TMTC1: variants seen among roughly 807,000 people sequenced by gnomAD.
The protein encoded by TMTC1 is protein O-mannosyl-transferase TMTC1.
A neutral mutation model predicts 104.8 loss-of-function variants in TMTC1; 73 were observed. The ratio of observed to expected loss-of-function variants is 0.70; its 90% CI spans 0.58 to 0.85. The LOEUF (loss-of-function observed/expected upper bound fraction) is 0.85. TMTC1 is among the 40% of genes least tolerant of loss of function. The probability of loss-of-function intolerance (pLI) is 0.00; values close to 1 mark genes in which losing one functional copy is unlikely to be tolerated. For missense variants in TMTC1, 1,035 were observed against 1,096.1 expected (o/e 0.94, Z 0.79); for synonymous variants, 434 against 428.7 (o/e 1.01, Z -0.15).
At chr12:29,624,553 C>G (rs1425840464) in intron 6 of TMTC1, among the ~76,000 whole-genome samples, 1 of 152,202 alleles carries the variant, frequency 6.6e-6, no homozygotes, top group Non-Finnish European at 1.5e-5. Flanking sequence ...TCCTTACTGT[C>G]TGTGATGGGT....
intron 17 of TMTC1, among the ~76,000 whole-genome samples, chr12:29,511,542 T>C (rs1943837201): frequency 6.6e-6 from 1 of 152,104 alleles, no homozygotes. Context: ...AAAGGTAGTG[T>C]TTTTCCTTTG....
intron 4 of TMTC1, among the ~76,000 whole-genome samples, chr12:29,753,251 A>G (rs147082074): frequency 1.3e-5 from 2 of 152,302 alleles, no homozygotes; most frequent in East Asian, 3.9e-4. Context: ...CTCTGTGTAT[A>G]TGTGCATTCC....
In TMTC1 at chr12:29,536,535, G is replaced by A. The variant is rs113675842; in HGVS notation, c.1677-218C>T. On this transcript the variant is annotated intron_variant, in intron 10 of 17. Transcript: ENST00000539277. ...AAAGAGATGTAAAGATGTAAATTAC[G>A]CTTCAGGTTATCCACTTTTTTCTAC... Among the ~76,000 whole-genome samples, 956 of 152,208 alleles carry A rather than the reference G, an allele frequency of 6.3e-3. 3 individuals are homozygous for A. The highest frequency in any genetic ancestry group is 8.3e-3 in the Non-Finnish European group (567 of 68,004).
At chr12:29,579,773 C>T (rs1159145195) in intron 8 of TMTC1, among the ~76,000 whole-genome samples, 2 of 152,184 alleles carry the variant, frequency 1.3e-5, no homozygotes, top group East Asian at 3.9e-4. Context: ...GCACATAAAA[C>T]AGCTTCTTAC....
intron 8 of TMTC1, among the ~76,000 whole-genome samples, chr12:29,577,491 G>A (rs1254179468): frequency 6.6e-6 from 1 of 152,108 alleles, no homozygotes; most frequent in Non-Finnish European, 1.5e-5. Context: ...ATGGCCTAAT[G>A]AGAACTTGTC....
chr12:29,647,145 G>T (rs972489894), intron 5 of TMTC1, among the ~76,000 whole-genome samples: 1 of 152,060 alleles, frequency 6.6e-6, no homozygotes, highest in African/African-American at 2.4e-5. Context: ...TCAGCCTCCC[G>T]AGTAGCTGGG....
intron 7 of TMTC1, among the ~76,000 whole-genome samples, chr12:29,586,497 C>T (rs886940752): frequency 6.6e-6 from 1 of 152,156 alleles, no homozygotes; most frequent in Admixed American, 6.5e-5. Context: ...TGAGAGAGGA[C>T]ATCCCTGTCT....
chr12:29,616,126 T>C (rs1408736203), intron 6 of TMTC1, among the ~76,000 whole-genome samples: 2 of 152,162 alleles, frequency 1.3e-5, no homozygotes, highest in Non-Finnish European at 2.9e-5. Context: ...AAGAAATATG[T>C]TTAACTTTTT....
At chr12:29,660,003 T>C (rs574929773) in intron 5 of TMTC1, 2 of 1,515,468 alleles carry the variant, frequency 1.3e-6, no homozygotes, top group South Asian at 1.2e-5. Context: ...ATAAGAAGAT[T>C]CAGTGAGATT....
chr12:29,776,742 G>A (rs1348253884), intron 1 of TMTC1, among the ~76,000 whole-genome samples: 1 of 152,086 alleles, frequency 6.6e-6, no homozygotes, highest in Admixed American at 6.5e-5. Context: ...ACACAGAGGA[G>A]TGTTTGCTAC....
intron 10 of TMTC1, among the ~76,000 whole-genome samples, chr12:29,543,928 A>G (rs532862155): frequency 1.3e-5 from 2 of 152,224 alleles, no homozygotes; most frequent in African/African-American, 2.4e-5. Flanking sequence ...ACAGATTCAT[A>G]TTATGTGGTT....
In TMTC1 at chr12:29,674,985, A is replaced by G. The variant is rs549887251; in HGVS notation, c.939-41649T>C. ...AATGTTTCCATTTTCTTTGCAGCCA[A>G]TTTCATTTTCTCACTGACATATTAC... On this transcript the variant is annotated intron_variant, in intron 5 of 17. Transcript: ENST00000539277. Among the ~76,000 whole-genome samples, 2 of 152,234 alleles carry G rather than the reference A, an allele frequency of 1.3e-5. 1 individual carries two copies. The highest frequency in any genetic ancestry group is 4.2e-4 in the South Asian group (2 of 4,770).
At chr12:29,748,178 A>C (rs1565811062) in intron 5 of TMTC1, among the ~76,000 whole-genome samples, 1 of 152,178 alleles carries the variant, frequency 6.6e-6, no homozygotes, top group Non-Finnish European at 1.5e-5. Context: ...AATCCGGCCC[A>C]ATTCCAGCTG....
chr12:29,520,558 T>G, intron 12 of TMTC1, 60 bp downstream of exon 12: 1 of 1,417,066 alleles, frequency 7.1e-7, no homozygotes, highest in East Asian at 2.3e-5. Flanking sequence ...GCCTTCCATT[T>G]TGCTTGATAA....
chr12:29,686,203 TC>T (rs1343757041), intron 5 of TMTC1, among the ~76,000 whole-genome samples: 4 of 152,186 alleles, frequency 2.6e-5, no homozygotes, highest in African/African-American at 9.6e-5. Context: ...ACCTCTGATT[TC>T]CCTTCAACCT....
chr12:29,556,569 T>G (rs1328479028), intron 10 of TMTC1, among the ~76,000 whole-genome samples: 1 of 152,244 alleles, frequency 6.6e-6, no homozygotes, highest in Non-Finnish European at 1.5e-5. Flanking sequence ...TAGCTCAGCA[T>G]GTTCTCAATT....
intron 5 of TMTC1, among the ~76,000 whole-genome samples, chr12:29,717,067 C>T (rs11616121): frequency 0.088 from 13,377 of 152,020 alleles, 666 homozygotes; most frequent in East Asian, 0.15. Flanking sequence ...AGATAAAAGA[C>T]GAGCTTATTG....
intron 8 of TMTC1, 109 bp downstream of exon 8, chr12:29,583,298 A>G: frequency 1.0e-6 from 1 of 998,092 alleles, no homozygotes; most frequent in Non-Finnish European, 1.4e-6. Flanking sequence ...ATTAAAGATA[A>G]TTTTCCTTAG....
chr12:29,576,623 G>A (rs944729590), intron 8 of TMTC1, among the ~76,000 whole-genome samples: 28 of 152,134 alleles, frequency 1.8e-4, no homozygotes, highest in African/African-American at 6.8e-4. Context: ...GTTAGTAGGT[G>A]TGGCAAGGAG....
Sources: gnomAD v4.1 joint callset for allele counts (sites outside exome capture counted in the v4.1 genomes callset) on GRCh38, gnomAD v4.1.1 for gene constraint, MANE v1.5 for transcripts, NCBI Gene and HGNC (gene_info 2026-07-23, HGNC 2026-07-21) for gene names.